Variants in PEBP4 observed in about 807,000 individuals in gnomAD.
The protein encoded by PEBP4 is phosphatidylethanolamine binding protein 4.
PEBP4 carries 22 observed loss-of-function variants against 23.9 expected under a neutral mutation model. That is an observed-to-expected ratio of 0.92 (90% confidence interval 0.66 to 1.31). The LOEUF (loss-of-function observed/expected upper bound fraction) is 1.31, where lower values mean the gene tolerates loss of function less well. Ranked by LOEUF, PEBP4 falls within the 40% of genes most tolerant of loss-of-function variation. The pLI is 0.00. For missense variants in PEBP4, 324 were observed against 281.7 expected (o/e 1.15, Z -1.07); for synonymous variants, 112 against 99.3 (o/e 1.13, Z -0.76).
intron 4 of PEBP4, among the ~76,000 whole-genome samples, chr8:22,811,709 T>A (rs1390275923): frequency 6.6e-6 from 1 of 152,162 alleles, no homozygotes; most frequent in African/African-American, 2.4e-5. Flanking sequence ...GGTGGAATGA[T>A]GGGACTGACC....
chr8:22,872,138 T>G (rs571392158), intron 3 of PEBP4, among the ~76,000 whole-genome samples: 2 of 152,360 alleles, frequency 1.3e-5, no homozygotes, highest in South Asian at 4.1e-4. Context: ...TAGTATCCTA[T>G]GGTATGTATA....
At chr8:22,795,309 G>A (rs1158672237) in intron 4 of PEBP4, among the ~76,000 whole-genome samples, 4 of 150,516 alleles carry the variant, frequency 2.7e-5, no homozygotes, top group African/African-American at 9.8e-5. Flanking sequence ...CCAAGTAGCT[G>A]GGATTACAGG....
chr8:22,859,213 A>T (rs1248327488), intron 3 of PEBP4, among the ~76,000 whole-genome samples: 3 of 152,214 alleles, frequency 2.0e-5, no homozygotes, highest in African/African-American at 7.2e-5. Flanking sequence ...TCACATGGCC[A>T]TCAGACTCCC....
chr8:22,759,578 G>A (rs1367848172), intron 4 of PEBP4, among the ~76,000 whole-genome samples: 1 of 152,190 alleles, frequency 6.6e-6, no homozygotes, highest in Non-Finnish European at 1.5e-5. Context: ...GCTGGAGTCA[G>A]TGGTCCTGCC....
At chr8:22,774,824 G>A (rs1478108415) in intron 4 of PEBP4, among the ~76,000 whole-genome samples, 3 of 152,234 alleles carry the variant, frequency 2.0e-5, no homozygotes, top group African/African-American at 4.8e-5. Context: ...ACTCTTGTCC[G>A]ATTTCCTTCT....
intron 3 of PEBP4, among the ~76,000 whole-genome samples, chr8:22,919,664 T>A (rs1228893292): frequency 1.3e-5 from 2 of 152,210 alleles, no homozygotes; most frequent in African/African-American, 4.8e-5. Context: ...AAGAAGAGCG[T>A]GTCTCATGTT....
At chr8:22,840,574 G>T (rs1470228710) in intron 3 of PEBP4, among the ~76,000 whole-genome samples, 1 of 152,072 alleles carries the variant, frequency 6.6e-6, no homozygotes, top group Non-Finnish European at 1.5e-5. Flanking sequence ...GGAAGGGTGA[G>T]AACTGTGAGC....
intron 4 of PEBP4, among the ~76,000 whole-genome samples, chr8:22,811,317 T>C (rs1206515523): frequency 2.0e-5 from 3 of 152,264 alleles, no homozygotes; most frequent in African/African-American, 7.2e-5. Flanking sequence ...ATACGAGAGC[T>C]AATTTGGCTC....
chr8:22,896,901 T>C (rs1808599723), intron 3 of PEBP4, among the ~76,000 whole-genome samples: 1 of 150,426 alleles, frequency 6.6e-6, no homozygotes, highest in Non-Finnish European at 1.5e-5. Context: ...ATATATATGG[T>C]ATATTTGGAT....
At chr8:22,737,148 G>A (rs927893142) in intron 4 of PEBP4, among the ~76,000 whole-genome samples, 2 of 152,090 alleles carry the variant, frequency 1.3e-5, no homozygotes, top group African/African-American at 4.8e-5. Context: ...ACAAAAATTA[G>A]CAAGGCGTGG....
chr8:22,929,766 T>G (rs1417455470), upstream of PEBP4, among the ~76,000 whole-genome samples: 2 of 152,162 alleles, frequency 1.3e-5, no homozygotes, highest in South Asian at 4.1e-4. Flanking sequence ...TGGAGTGCAA[T>G]GGGGTGATGC....
intron 4 of PEBP4, among the ~76,000 whole-genome samples, chr8:22,746,041 C>G (rs1805107930): frequency 6.6e-6 from 1 of 152,176 alleles, no homozygotes; most frequent in South Asian, 2.1e-4. Flanking sequence ...TGGAATTGAA[C>G]CAAAGCATTG....
At chr8:22,713,650 A>G (rs1275175587) in intron 6 of PEBP4, 114 bp from the exon 7 acceptor site, 1 of 1,452,482 alleles carries the variant, frequency 6.9e-7, no homozygotes, top group Admixed American at 1.9e-5. Context: ...AGGTGATGCG[A>G]TGGCCATGGG....
chr8:22,858,853 A>T (rs564755994), intron 3 of PEBP4, among the ~76,000 whole-genome samples: 7 of 152,212 alleles, frequency 4.6e-5, no homozygotes, highest in Admixed American at 6.5e-5. Flanking sequence ...AGGCTGAGGC[A>T]GGAGAATCGC....
intron 3 of PEBP4, among the ~76,000 whole-genome samples, chr8:22,909,609 G>A (rs1808891751): frequency 6.6e-6 from 1 of 152,150 alleles, no homozygotes; most frequent in East Asian, 1.9e-4. Flanking sequence ...GCAGTCCCTG[G>A]AAACACCTCA....
intron 4 of PEBP4, among the ~76,000 whole-genome samples, chr8:22,743,177 G>C (rs1416998181): frequency 1.3e-5 from 2 of 152,118 alleles, no homozygotes; most frequent in African/African-American, 4.8e-5. Flanking sequence ...CCTCCCCTTG[G>C]GCTGCCCAGC....
At chr8:22,762,704 T>A (rs1433434236) in intron 4 of PEBP4, among the ~76,000 whole-genome samples, 1 of 152,060 alleles carries the variant, frequency 6.6e-6, no homozygotes, top group East Asian at 1.9e-4. Flanking sequence ...GGCCATGTTC[T>A]CCCCAACTGT....
intron 3 of PEBP4, among the ~76,000 whole-genome samples, chr8:22,901,841 T>G (rs1808717933): frequency 6.6e-6 from 1 of 152,120 alleles, no homozygotes; most frequent in Admixed American, 6.5e-5. Context: ...ATCATGTTCA[T>G]TAGACTCTGT....
chr8:22,717,705 TC>T (rs1164158775), intron 6 of PEBP4, among the ~76,000 whole-genome samples: 3 of 152,174 alleles, frequency 2.0e-5, no homozygotes, highest in Admixed American at 6.5e-5. Context: ...CAGGTGGTGA[TC>T]TGTATCTACC....
Sources: gnomAD v4.1 joint callset for allele counts (sites outside exome capture counted in the v4.1 genomes callset) on GRCh38, gnomAD v4.1.1 for gene constraint, MANE v1.5 for transcripts, NCBI Gene and HGNC (gene_info 2026-07-23, HGNC 2026-07-21) for gene names.